The following C14orf93 variants were observed in gnomAD, a reference collection of about 807,000 sequenced individuals.
C14orf93 encodes chromosome 14 open reading frame 93.
A neutral mutation model predicts 44.0 loss-of-function variants in C14orf93; 23 were observed. The ratio of observed to expected loss-of-function variants is 0.52; its 90% CI spans 0.38 to 0.74. The LOEUF (loss-of-function observed/expected upper bound fraction) is 0.74. C14orf93 is among the 30% of genes least tolerant of loss of function. C14orf93 has a pLI of 0.00. For missense variants in C14orf93, 579 were observed against 678.9 expected, an observed-to-expected ratio of 0.85 and a Z score of 1.64; for synonymous variants, 253 against 265.7, an observed-to-expected ratio of 0.95 and a Z score of 0.46.
chr14:22,991,044 TC>T (rs1374774910), intron 3 of C14orf93, among the ~76,000 whole-genome samples: 3 of 151,086 alleles, frequency 2.0e-5, no homozygotes, highest in Non-Finnish European at 4.4e-5. Context: ...GGTCACAATC[TC>T]CTGACCTCAT....
chr14:22,994,474 C>G (rs1033962026), intron 3 of C14orf93, among the ~76,000 whole-genome samples: 4 of 152,056 alleles, frequency 2.6e-5, no homozygotes, highest in Non-Finnish European at 4.4e-5. Flanking sequence ...CCACTGCACT[C>G]CAGCCTGGGT....
Position 22,988,047 on chromosome 14 carries a change from G to A in C14orf93, c.1085-32C>T. On this transcript the variant is annotated intron_variant, in intron 5 of 6. Transcript: ENST00000299088. ...GGGAGGGAAGGAAGGGAGCAAGAAG[G>A]AGGGTCCTCTGAGTAGTGGTCCCCA... 2.6e-6 allele frequency: 4 copies of A among 1,513,536 alleles called. No homozygotes were observed. The South Asian group carries it at 3.4e-5, about 13-fold the overall frequency. 93.8% of individuals were successfully genotyped at this position (1,513,536 alleles called of 1,614,324 possible).
At chr14:23,000,519 C>T (rs1048386450) in intron 1 of C14orf93, among the ~76,000 whole-genome samples, 1 of 151,926 alleles carries the variant, frequency 6.6e-6, no homozygotes, top group East Asian at 1.9e-4. Context: ...AGTTTGAGAC[C>T]AGCCTGACTA....
At chr14:23,005,031 A>T (rs1416149253) in intron 1 of C14orf93, 1 of 152,248 alleles carries the variant, frequency 6.6e-6, no homozygotes, top group African/African-American at 2.4e-5. Context: ...GGAAACATTA[A>T]CAAAATGAAA....
At chr14:23,006,542 G>A (rs2046626347) in intron 1 of C14orf93, 1 of 152,120 alleles carries the variant, frequency 6.6e-6, no homozygotes, top group Non-Finnish European at 1.5e-5. Context: ...AGATTACATT[G>A]GTAAGATTAA....
intron 3 of C14orf93, among the ~76,000 whole-genome samples, chr14:22,992,962 C>G (rs1241501832): frequency 6.6e-6 from 1 of 152,094 alleles, no homozygotes; most frequent in Admixed American, 6.6e-5. Context: ...TCACTGCAAC[C>G]TCCGCCTCCC....
At chr14:23,005,814 CAG>C (rs1357638303) in intron 1 of C14orf93, 1 of 152,158 alleles carries the variant, frequency 6.6e-6, no homozygotes, top group African/African-American at 2.4e-5. Flanking sequence ...CTCCTTTAGA[CAG>C]ACAGTTCAGG....
intron 4 of C14orf93, 105 bp from the exon 5 acceptor site, chr14:22,989,950 TA>T: frequency 7.1e-7 from 1 of 1,412,678 alleles, no homozygotes. Context: ...CTCCACAGCC[TA>T]AGAAGGTATG....
intron 1 of C14orf93, among the ~76,000 whole-genome samples, chr14:23,003,878 ATATATATATATATATATATATTTTTTT>A (rs2044107120): frequency 6.1e-5 from 1 of 16,288 alleles, no homozygotes; most frequent in East Asian, 2.2e-3. Flanking sequence ...ATATATATAT[ATATATATATATATATATATATTTTTTT>A]TTTTTTTTTT....
intron 2 of C14orf93, among the ~76,000 whole-genome samples, chr14:22,997,655 T>A: frequency 6.6e-6 from 1 of 152,206 alleles, no homozygotes; most frequent in East Asian, 1.9e-4. Flanking sequence ...AATAGCACAA[T>A]GTACATCTAT....
intron 1 of C14orf93, among the ~76,000 whole-genome samples, chr14:23,007,668 A>G (rs1210781613): frequency 2.0e-5 from 3 of 152,188 alleles, no homozygotes; most frequent in Non-Finnish European, 4.4e-5. Flanking sequence ...AGAAAAAGCA[A>G]GAACAGTGGA....
At position 22,986,899 on chromosome 14, in the gene C14orf93, C is replaced by T; in HGVS notation, c.*316G>A. 5.5e-6 allele frequency: 2 copies of T among 363,242 alleles called. No homozygotes were observed. Among genetic ancestry groups the T allele is most frequent in the East Asian group, 6.2e-5 (1 of 16,206 alleles). 22.5% of individuals were successfully genotyped at this position (363,242 alleles called of 1,614,324 possible). On this transcript the variant is annotated 3_prime_UTR_variant, in exon 7 of 7. Transcript: ENST00000299088. ...GGGCAGAAACAACTCAGAGACAGGG[C>T]ATATGTCAAGAAGGCCTCATGTTTC...
intron 3 of C14orf93, among the ~76,000 whole-genome samples, chr14:22,992,874 C>T (rs145272462): frequency 0.013 from 1,936 of 151,924 alleles, 34 homozygotes; most frequent in African/African-American, 0.039. Context: ...TGAGCCACCA[C>T]GCCCAGCTTT....
chr14:22,998,900 G>A lies in C14orf93; in HGVS notation c.124C>T (p.Pro42Ser), dbSNP rs1480502131. 1.9e-6 allele frequency: 3 copies of A among 1,613,994 alleles called. No homozygotes were observed. Among genetic ancestry groups the A allele is most frequent in the Non-Finnish European group, 2.5e-6 (3 of 1,180,028 alleles). Reference protein sequence around the residue: ...NTGSQGGNPPPSTPITVTGHG... With the variant: ...NTGSQGGNPPSSTPITVTGHG... ...CCAGTCACTGTGATGGGGGTGCTGG[G>A]AGGAGGATTCCCACCCTGGGAGCCT... Residue 42 changes from proline to serine, a missense_variant, in exon 2 of 7, where the codon CCC becomes TCC. Physicochemically the swap from Pro to Ser is moderately conservative, Grantham distance 74 (BLOSUM62 -1). Coordinates refer to ENST00000299088, the MANE Select transcript of C14orf93 (RefSeq NM_021944.4).
At position 22,996,898 on chromosome 14, in the gene C14orf93, G is replaced by A. The variant is rs2046003510; in HGVS notation, c.598-630C>T. Among the ~76,000 whole-genome samples, 1 of 152,124 alleles carries A rather than the reference G, an allele frequency of 6.6e-6. No homozygotes were observed. The highest frequency in any genetic ancestry group is 6.6e-5 in the Admixed American group (1 of 15,246). ...ACAGAGCCGGGAAAGGAAGAAGGGA[G>A]CAAGGGAGAGAGGGAGGAAGAAAGG... On this transcript the variant is annotated intron_variant, in intron 2 of 6. Transcript: ENST00000299088. The surrounding 1 kb of genome is among the most constrained non-coding windows in gnomAD (Gnocchi z 4.1).
At chr14:23,009,986 A>C (rs1234417516) in intron 1 of C14orf93, 115 bp downstream of exon 1, 1 of 152,208 alleles carries the variant, frequency 6.6e-6, no homozygotes, top group Non-Finnish European at 1.5e-5. Context: ...TGGGGGAAAG[A>C]GCAAATTCCC....
At chr14:22,994,693 C>T (rs1484696860) in intron 3 of C14orf93, among the ~76,000 whole-genome samples, 1 of 151,200 alleles carries the variant, frequency 6.6e-6, no homozygotes, top group Non-Finnish European at 1.5e-5. Context: ...CACCACTGCA[C>T]TCCAGCCTGG....
intron 1 of C14orf93, among the ~76,000 whole-genome samples, chr14:23,007,333 C>T (rs1368891151): frequency 1.3e-5 from 2 of 152,192 alleles, no homozygotes; most frequent in Non-Finnish European, 2.9e-5. Context: ...TTTTTCAAGG[C>T]CGTCAGACGC....
chr14:23,005,974 CTA>C (rs2046601799), intron 1 of C14orf93: 1 of 152,056 alleles, frequency 6.6e-6, no homozygotes, highest in Admixed American at 6.6e-5. Flanking sequence ...CACCTCCAAA[CTA>C]TGAAAAATAA....
Sources: allele counts gnomAD v4.1 joint callset (sites outside exome capture counted in the v4.1 genomes callset), GRCh38; gene constraint gnomAD v4.1.1; non-coding constraint Gnocchi (gnomAD v3.1); transcripts MANE v1.5; gene names NCBI Gene and HGNC (gene_info 2026-07-23, HGNC 2026-07-21).